Variants in CIB3 observed in about 807,000 individuals in gnomAD.
The protein encoded by CIB3 is calcium and integrin binding family member 3, also known as calcium and integrin-binding family member 3.
A neutral mutation model predicts 23.4 loss-of-function variants in CIB3; 22 were observed. The observed-to-expected ratio is 0.94, with a 90% CI of 0.67 to 1.34. The LOEUF (loss-of-function observed/expected upper bound fraction) is 1.34, where lower values mean the gene tolerates loss of function less well. CIB3 is among the 40% of genes most tolerant of loss of function. The pLI, the probability that CIB3 is intolerant of heterozygous loss-of-function variation, is 0.00. For missense variants in CIB3, 258 were observed against 247.3 expected, an observed-to-expected ratio of 1.04 and a Z score of -0.29; for synonymous variants, 93 against 95.8, an observed-to-expected ratio of 0.97 and a Z score of 0.17.
intron 4 of CIB3, among the ~76,000 whole-genome samples, chr19:16,165,588 T>A (rs562036957): frequency 1.3e-5 from 2 of 151,896 alleles, no homozygotes; most frequent in African/African-American, 4.8e-5. Flanking sequence ...GGATTACAGG[T>A]GCCTGCCACC....
Position 16,169,578 on chromosome 19 carries a change from G to A in CIB3, c.198+52C>T, listed in dbSNP as rs376198545. On this transcript the variant is annotated intron_variant, in intron 3 of 5. Transcript: ENST00000269878. The stretch of plus-strand genomic sequence containing the variant: ...AGCACTGACCTCAGAGGAATGCAAC[G>A]AGAGACATCTCTACTATTTTTTACC... 1,165 of 1,495,674 alleles carry A rather than the reference G, an allele frequency of 7.8e-4. 1 individual carries two copies. The highest frequency in any genetic ancestry group is 1.0e-3 in the South Asian group (86 of 84,868). 92.7% of individuals were successfully genotyped at this position (1,495,674 alleles called of 1,614,324 possible). A position where few individuals can be genotyped will look rare whatever the true frequency, so the allele number is the denominator to read the frequency against.
rs551229961 is a variant in CIB3 at position 16,163,342 on chromosome 19, G to A, written c.542+1376C>T. On this transcript the variant is annotated intron_variant, in intron 5 of 5. Coordinates refer to ENST00000269878, the MANE Select transcript of CIB3 (RefSeq NM_054113.4). ...GGCCACAGTAGGTGAATCACTTGAGGTCAGGAGTTCAAGACCAGCCTGGCC... is the reference window on the plus strand; with the variant it reads ...GGCCACAGTAGGTGAATCACTTGAGATCAGGAGTTCAAGACCAGCCTGGCC... Among the ~76,000 whole-genome samples the A allele has an allele frequency of 8.9e-4, 136 of 152,208 alleles. No homozygotes were observed. In the Middle Eastern group the frequency reaches 0.021, roughly 23 times the overall value.
chr19:16,166,463 C>G (rs890663055), intron 4 of CIB3, among the ~76,000 whole-genome samples: 1 of 152,110 alleles, frequency 6.6e-6, no homozygotes, highest in African/African-American at 2.4e-5. Context: ...TATTGAGTGC[C>G]TACTGTGTAG....
chr19:16,173,452 G>A lies in CIB3; in HGVS notation c.24C>T (p.Phe8=). 6.2e-7 allele frequency: 1 copy of A among 1,614,088 alleles called. No homozygotes were observed. Among genetic ancestry groups the A allele is most frequent in the Admixed American group, 1.7e-5 (1 of 59,994 alleles). ...GATACGCTTCCAGCTGCTCGTGTGT[G>A]AAGACTGTCTGCTTGTTGCCCATGG... The part of the protein sequence containing the change: MGNKQTV[F]THEQLEAYQD... The change falls in exon 1 of 6, where the codon TTC becomes TTT. Residue 8 remains phenylalanine, a synonymous_variant. Transcript: ENST00000269878.
At chr19:16,166,410 CATG>C (rs2091306070) in intron 4 of CIB3, among the ~76,000 whole-genome samples, 1 of 151,888 alleles carries the variant, frequency 6.6e-6, no homozygotes, top group African/African-American at 2.4e-5. Flanking sequence ...TATCAAGCAC[CATG>C]ATATCTGTTT....
At chr19:16,173,224 G>A (rs776058433) in intron 1 of CIB3, 28 bp from the exon 2 acceptor site, 34 of 1,613,672 alleles carry the variant, frequency 2.1e-5, no homozygotes, top group African/African-American at 5.3e-5. Context: ...GTCTTAACCC[G>A]AACCCTGCCT....
rs760173541 is a variant in CIB3 at position 16,169,680 on chromosome 19, G to A, written c.148C>T (p.Pro50Ser). Residue 50 changes from proline to serine, a missense_variant, in exon 3 of 6, where the codon CCC becomes TCC. Physicochemically the swap from Pro to Ser is moderately conservative, Grantham distance 74. Transcript: ENST00000269878. The part of the protein sequence containing the change: ...QLVPLDYTTC[P>S]DVKVPYELIG... ...AGCTCGTAGGGCACCTTCACATCGGGGCAGGTGGTATAGTCGAGGGGCACG... is the reference window on the plus strand; with the variant it reads ...AGCTCGTAGGGCACCTTCACATCGGAGCAGGTGGTATAGTCGAGGGGCACG... The A allele has an allele frequency of 2.5e-6, 4 of 1,613,792 alleles. No individual in the cohort carries two copies. The highest frequency in any genetic ancestry group is 3.4e-6 in the Non-Finnish European group (4 of 1,179,842).
intron 5 of CIB3, 113 bp from the exon 6 acceptor site, chr19:16,161,599 A>G (rs1165016823): frequency 1.8e-6 from 2 of 1,121,218 alleles, no homozygotes; most frequent in East Asian, 2.5e-5. Context: ...AGGATGCCAC[A>G]TGGACCCCTC....
At chr19:16,171,622 C>G (rs191333524) in intron 2 of CIB3, among the ~76,000 whole-genome samples, 2 of 152,208 alleles carry the variant, frequency 1.3e-5, no homozygotes, top group Admixed American at 6.5e-5. Context: ...CTCTCCCTCT[C>G]TGTGCCTTGG....
chr19:16,168,216 G>A lies in CIB3; in HGVS notation c.267C>T (p.Asp89=). 2 of 1,613,556 alleles carry A rather than the reference G, an allele frequency of 1.2e-6. No homozygotes were observed. The highest frequency in any genetic ancestry group is 1.7e-6 in the Non-Finnish European group (2 of 1,179,828). The change falls in exon 4 of 6, where the codon GAC becomes GAT. Residue 89 remains aspartate (D), a synonymous_variant. Coordinates refer to ENST00000269878, the MANE Select transcript of CIB3 (RefSeq NM_054113.4). The stretch of plus-strand genomic sequence containing the variant: ...TCACGGAAAACATGTCCAAAAAGTT[G>A]TCCAGGGTCATGTGGCCATCCCCAT... ...SEDGDGHMTL[D]NFLDMFSVMS...
At chr19:16,168,109 C>G in intron 4 of CIB3, 28 bp downstream of exon 4, 2 of 1,576,180 alleles carry the variant, frequency 1.3e-6, no homozygotes, top group Non-Finnish European at 1.7e-6. Flanking sequence ...CATCCCCATG[C>G]TTCCCAACCC....
rs778640299 is a variant in CIB3 at position 16,161,427 on chromosome 19, AC to A, written c.*37del. On this transcript the variant is annotated 3_prime_UTR_variant, in exon 6 of 6. Coordinates refer to ENST00000269878, the MANE Select transcript of CIB3 (RefSeq NM_054113.4). ...CAGAGTCCACAGCGGGTGAGGGGTC[AC>A]CCCGCCCTCCTATAGCTCGGCTCCT... The A allele has an allele frequency of 1.2e-6, 2 of 1,610,564 alleles. No individual in the cohort carries two copies. Among genetic ancestry groups the A allele is most frequent in the Admixed American group, 1.7e-5 (1 of 59,964 alleles).
intron 4 of CIB3, among the ~76,000 whole-genome samples, chr19:16,165,496 T>A (rs1468595853): frequency 6.6e-6 from 1 of 151,564 alleles, no homozygotes; most frequent in Non-Finnish European, 1.5e-5. Flanking sequence ...CAGGCTGGAG[T>A]GCAGTGGCAC....
At position 16,172,211 on chromosome 19, in the gene CIB3, G is replaced by A. The variant is rs189419125; in HGVS notation, c.86+951C>T. On this transcript the variant is annotated intron_variant, in intron 2 of 5. Coordinates refer to ENST00000269878, the MANE Select transcript of CIB3 (RefSeq NM_054113.4). ...GCTCTGTCACCCAGGCTGGAGCACA[G>A]TGGCGTGATCTCGGCTCACTGCAAC... is the stretch of plus-strand genomic sequence containing the variant. Among the ~76,000 whole-genome samples, 119 of 152,286 alleles carry A rather than the reference G, an allele frequency of 7.8e-4. 1 individual carries two copies. The highest frequency in any genetic ancestry group is 1.7e-3 in the Admixed American group (26 of 15,294).
At chr19:16,162,905 T>C (rs1378019689) in intron 5 of CIB3, among the ~76,000 whole-genome samples, 73 of 145,724 alleles carry the variant, frequency 5.0e-4, no homozygotes, top group African/African-American at 1.8e-3. Context: ...TTTTTTTTTT[T>C]TTTGAGACAG....
At position 16,161,423 on chromosome 19, in the gene CIB3, G is replaced by A. The variant is rs2091284134; in HGVS notation, c.*42C>T. On this transcript the variant is annotated 3_prime_UTR_variant, in exon 6 of 6. Transcript: ENST00000269878. ...AAACCAGAGTCCACAGCGGGTGAGGGGTCACCCCGCCCTCCTATAGCTCGG... is the reference window on the plus strand; with the variant it reads ...AAACCAGAGTCCACAGCGGGTGAGGAGTCACCCCGCCCTCCTATAGCTCGG... 2.5e-6 allele frequency: 4 copies of A among 1,606,474 alleles called. No individual in the cohort carries two copies. Among genetic ancestry groups the A allele is most frequent in the Non-Finnish European group, 3.4e-6 (4 of 1,173,064 alleles).
At chr19:16,163,076 A>C (rs994599327) in intron 5 of CIB3, among the ~76,000 whole-genome samples, 12 of 151,590 alleles carry the variant, frequency 7.9e-5, no homozygotes, top group African/African-American at 2.9e-4. Flanking sequence ...TTTTTAGTAG[A>C]GACTACTGCC....
At chr19:16,166,178 C>A (rs1194160802) in intron 4 of CIB3, among the ~76,000 whole-genome samples, 3 of 152,128 alleles carry the variant, frequency 2.0e-5, no homozygotes, top group Admixed American at 6.6e-5. Context: ...GTAATCCCAG[C>A]TACTAGGTAG....
At chr19:16,168,003 G>A in intron 4 of CIB3, 134 bp downstream of exon 4, 2 of 1,116,782 alleles carry the variant, frequency 1.8e-6, no homozygotes, top group Non-Finnish European at 2.5e-6. Context: ...GGGAGGCATT[G>A]GAGTGGGGTG....
Sources: allele counts gnomAD v4.1 joint callset (sites outside exome capture counted in the v4.1 genomes callset), GRCh38; gene constraint gnomAD v4.1.1; transcripts MANE v1.5; gene names NCBI Gene and HGNC (gene_info 2026-07-23, HGNC 2026-07-21).